OPCML: variants seen among roughly 807,000 people sequenced by gnomAD.
OPCML encodes the protein opioid-binding protein/cell adhesion molecule.
A neutral mutation model predicts 37.8 loss-of-function variants in OPCML; 13 were observed. That is an observed-to-expected ratio of 0.34 (90% CI 0.22 to 0.55). OPCML has a LOEUF of 0.55. OPCML is among the 20% of genes least tolerant of loss of function. The probability of loss-of-function intolerance (pLI) is 0.91; values close to 1 mark genes in which losing one functional copy is unlikely to be tolerated. For missense variants in OPCML, 341 were observed against 435.6 expected (o/e 0.78, Z 1.93); for synonymous variants, 176 against 168.8 (o/e 1.04, Z -0.33).
intron 1 of OPCML, among the ~76,000 whole-genome samples, chr11:133,072,044 G>C (rs778091981): frequency 1.1e-4 from 17 of 152,090 alleles, no homozygotes; most frequent in Non-Finnish European, 2.4e-4. Flanking sequence ...AAGGATCATC[G>C]TGCACTTGTT....
chr11:132,530,779 T>A (rs2096322902), intron 3 of OPCML, among the ~76,000 whole-genome samples: 1 of 152,242 alleles, frequency 6.6e-6, no homozygotes, highest in African/African-American at 2.4e-5. Context: ...CCCTGTTTCC[T>A]CTAACACAGT....
rs1947071668 is a variant in OPCML at position 133,004,618 on chromosome 11, T to C, written c.62-61608A>G. On this transcript the variant is annotated intron_variant, in intron 1 of 7. Transcript: ENST00000524381. Reference sequence around the variant, plus strand: ...CGAAGGGTCTGCTCCTCTGATCCAGTTGCTGCCCCCACTGCTAACAGCTGC... The same window carrying C: ...CGAAGGGTCTGCTCCTCTGATCCAGCTGCTGCCCCCACTGCTAACAGCTGC... The C allele has an allele frequency of 7.1e-6, 7 of 985,472 alleles. No individual in the cohort carries two copies. The South Asian group carries it at 3.3e-4, about 46-fold the overall frequency. The allele number at this position is 985,472 out of a possible 1,614,324, so 61.0% of individuals were successfully genotyped here. A position where few individuals can be genotyped will look rare whatever the true frequency, so the allele number is the denominator to read the frequency against.
intron 2 of OPCML, among the ~76,000 whole-genome samples, chr11:132,819,253 C>A (rs948051430): frequency 6.6e-5 from 10 of 150,748 alleles, no homozygotes; most frequent in African/African-American, 2.4e-4. Context: ...GGAAATATGA[C>A]TGATAATTGA....
At chr11:132,572,808 G>A (rs2137576645) in intron 3 of OPCML, among the ~76,000 whole-genome samples, 1 of 152,018 alleles carries the variant, frequency 6.6e-6, no homozygotes, top group Middle Eastern at 3.4e-3. Flanking sequence ...TATTTTGATA[G>A]GAATTGCATT....
chr11:133,015,835 T>C (rs1409522819), intron 1 of OPCML, among the ~76,000 whole-genome samples: 2 of 152,268 alleles, frequency 1.3e-5, no homozygotes, highest in African/African-American at 2.4e-5. Flanking sequence ...GCTCCTGCTG[T>C]TTCCTCCTAC....
intron 2 of OPCML, among the ~76,000 whole-genome samples, chr11:132,700,714 G>A (rs561352647): frequency 4.6e-4 from 70 of 152,164 alleles, no homozygotes; most frequent in Middle Eastern, 6.8e-3. Flanking sequence ...ATAATCTGTC[G>A]TGGGGAATAT....
At chr11:132,540,400 G>A (rs1052303498) in intron 3 of OPCML, among the ~76,000 whole-genome samples, 1 of 152,168 alleles carries the variant, frequency 6.6e-6, no homozygotes, top group East Asian at 1.9e-4. Flanking sequence ...AATTGCTAAT[G>A]CCAGGAGATT....
chr11:132,926,704 G>GA (rs376117010), intron 2 of OPCML, among the ~76,000 whole-genome samples: 47 of 146,666 alleles, frequency 3.2e-4, no homozygotes, highest in South Asian at 8.6e-4. Flanking sequence ...CCATTCAAAG[G>GA]AAAAAAAAAA....
At chr11:133,429,493 T>C (rs915953669) in intron 1 of OPCML, among the ~76,000 whole-genome samples, 5 of 152,178 alleles carry the variant, frequency 3.3e-5, no homozygotes, top group Non-Finnish European at 7.4e-5. Context: ...AAATGATCAC[T>C]CCAGTTTCTT....
intron 1 of OPCML, among the ~76,000 whole-genome samples, chr11:133,175,163 G>C (rs1950349072): frequency 1.3e-5 from 2 of 152,216 alleles, no homozygotes; most frequent in African/African-American, 2.4e-5. Flanking sequence ...GGATCAGTCT[G>C]AGCAGATTTA....
At chr11:133,425,915 T>C (rs1023651433) in intron 1 of OPCML, among the ~76,000 whole-genome samples, 2 of 152,216 alleles carry the variant, frequency 1.3e-5, no homozygotes, top group Non-Finnish European at 2.9e-5. Flanking sequence ...TTTTCCTGTA[T>C]AACAATAATT....
intron 3 of OPCML, among the ~76,000 whole-genome samples, chr11:132,644,676 C>T (rs776458923): frequency 4.6e-5 from 7 of 152,136 alleles, no homozygotes; most frequent in South Asian, 4.1e-4. Flanking sequence ...AATCCTGTCA[C>T]GACAAACTAG....
At chr11:132,683,541 C>A (rs1943041278) in intron 2 of OPCML, among the ~76,000 whole-genome samples, 1 of 152,300 alleles carries the variant, frequency 6.6e-6, no homozygotes, top group East Asian at 1.9e-4. Context: ...ACTTAAATAA[C>A]TTCTCTGAAC....
chr11:133,141,244 G>A (rs897921888), intron 1 of OPCML, among the ~76,000 whole-genome samples: 4 of 151,854 alleles, frequency 2.6e-5, no homozygotes, highest in African/African-American at 9.7e-5. Context: ...CTCGCATGAG[G>A]CCTCACCCAT....
At chr11:132,690,983 A>G (rs1591733905) in intron 2 of OPCML, among the ~76,000 whole-genome samples, 1 of 152,348 alleles carries the variant, frequency 6.6e-6, no homozygotes, top group African/African-American at 2.4e-5. Context: ...TCATTCTCTC[A>G]TCAGACCACT....
At chr11:133,402,298 T>G (rs905089511) in intron 1 of OPCML, among the ~76,000 whole-genome samples, 5 of 152,102 alleles carry the variant, frequency 3.3e-5, no homozygotes, top group African/African-American at 1.2e-4. Context: ...GATAACAATA[T>G]GAGTTCATTC....
intron 1 of OPCML, among the ~76,000 whole-genome samples, chr11:133,164,536 G>A (rs7120912): frequency 0.018 from 2,722 of 152,274 alleles, 86 homozygotes; most frequent in African/African-American, 0.062. Context: ...GCCATCACTC[G>A]AGACCGCAGG....
chr11:133,481,337 C>G (rs893701222), intron 1 of OPCML, among the ~76,000 whole-genome samples: 1 of 151,848 alleles, frequency 6.6e-6, no homozygotes, highest in Admixed American at 6.6e-5. Flanking sequence ...GAGTCAAGCC[C>G]AGAAAAGGGA....
intron 1 of OPCML, among the ~76,000 whole-genome samples, chr11:132,965,528 GTTTT>G (rs776811312): frequency 7.9e-5 from 12 of 151,846 alleles, no homozygotes; most frequent in Non-Finnish European, 1.6e-4. Flanking sequence ...GTTGTTTGTT[GTTTT>G]TTGTTTGTTT....
Sources: gnomAD v4.1 joint callset for allele counts (sites outside exome capture counted in the v4.1 genomes callset) on GRCh38, gnomAD v4.1.1 for gene constraint, MANE v1.5 for transcripts, NCBI Gene and HGNC (gene_info 2026-07-23, HGNC 2026-07-21) for gene names.